PDZD2: variants seen among roughly 807,000 people sequenced by gnomAD.
PDZD2 encodes the protein PDZ domain containing 2, also known as PDZ domain-containing protein 2.
In PDZD2, 90 loss-of-function variants were observed where a neutral mutation model predicts 220.7. That is an observed-to-expected ratio of 0.41 (90% CI 0.34 to 0.49). The LOEUF (loss-of-function observed/expected upper bound fraction) is 0.49. Ranked by LOEUF, PDZD2 falls within the 20% of genes least tolerant of loss-of-function variation. The pLI, the probability that PDZD2 is intolerant of heterozygous loss-of-function variation, is 0.28. For synonymous variants in PDZD2, 1,375 were observed against 1,450.5 expected, an observed-to-expected ratio of 0.95 and a Z score of 1.18; for missense variants, 3,174 against 3,608.5, an observed-to-expected ratio of 0.88 and a Z score of 3.08.
chr5:31,946,957 C>G (rs1201561566), intron 2 of PDZD2, among the ~76,000 whole-genome samples: 1 of 152,180 alleles, frequency 6.6e-6, no homozygotes, highest in African/African-American at 2.4e-5. Context: ...TCTCACTTCT[C>G]CCTCCCAAAG....
intron 2 of PDZD2, among the ~76,000 whole-genome samples, chr5:31,886,888 G>A (rs749563582): frequency 7.2e-5 from 11 of 152,012 alleles, no homozygotes; most frequent in Admixed American, 1.3e-4. Flanking sequence ...TAGTAGAGAC[G>A]GGGTTTCACC....
At chr5:31,911,290 A>AC (rs1385639002) in intron 2 of PDZD2, among the ~76,000 whole-genome samples, 4 of 152,212 alleles carry the variant, frequency 2.6e-5, no homozygotes, top group Non-Finnish European at 5.9e-5. Flanking sequence ...GGAAAGTAGC[A>AC]TTGTTCTAGT....
intron 6 of PDZD2, among the ~76,000 whole-genome samples, chr5:32,028,690 T>G (rs1312186676): frequency 2.1e-4 from 31 of 150,152 alleles, no homozygotes; most frequent in Middle Eastern, 3.4e-3. Flanking sequence ...TTTTGTTTTT[T>G]TTTTTTTTTG....
At chr5:31,734,637 A>G (rs1263642199) in intron 1 of PDZD2, among the ~76,000 whole-genome samples, 1 of 152,002 alleles carries the variant, frequency 6.6e-6, no homozygotes, top group African/African-American at 2.4e-5. Flanking sequence ...GTTTTTATAG[A>G]GGCCTCATTA....
At chr5:31,895,761 C>T (rs907369969) in intron 2 of PDZD2, among the ~76,000 whole-genome samples, 2 of 152,118 alleles carry the variant, frequency 1.3e-5, no homozygotes, top group East Asian at 1.9e-4. Context: ...TACCTTTTCC[C>T]TTCCTCCCTC....
intron 10 of PDZD2, among the ~76,000 whole-genome samples, chr5:32,057,106 A>G (rs1739159611): frequency 6.6e-6 from 1 of 152,206 alleles, no homozygotes; most frequent in Non-Finnish European, 1.5e-5. Context: ...TTTCAAAAAA[A>G]AATTTTTTTT....
chr5:31,850,471 A>C (rs1314372799), intron 2 of PDZD2, among the ~76,000 whole-genome samples: 1 of 151,764 alleles, frequency 6.6e-6, no homozygotes, highest in Non-Finnish European at 1.5e-5. Flanking sequence ...AGAAGGGAAT[A>C]GAAGGCGTTT....
At chr5:31,857,550 C>T (rs1350506970) in intron 2 of PDZD2, among the ~76,000 whole-genome samples, 1 of 152,134 alleles carries the variant, frequency 6.6e-6, no homozygotes, top group Non-Finnish European at 1.5e-5. Context: ...AGTTAGAAAG[C>T]ATTGCTTTTC....
chr5:31,907,702 G>A (rs1395038466), intron 2 of PDZD2, among the ~76,000 whole-genome samples: 1 of 152,132 alleles, frequency 6.6e-6, no homozygotes, highest in African/African-American at 2.4e-5. Flanking sequence ...TGCTATTTTA[G>A]TTGGATTTTA....
intron 2 of PDZD2, among the ~76,000 whole-genome samples, chr5:31,856,908 CTATA>C (rs61675053): frequency 0.11 from 15,923 of 140,420 alleles, 998 homozygotes; most frequent in African/African-American, 0.17. Context: ...CTTATCAAAA[CTATA>C]TATATATATA....
chr5:31,940,511 T>C (rs1397333560), intron 2 of PDZD2, among the ~76,000 whole-genome samples: 2 of 152,190 alleles, frequency 1.3e-5, no homozygotes, highest in Non-Finnish European at 2.9e-5. Flanking sequence ...AACCCAACTA[T>C]ATTTTACATG....
chr5:31,893,821 G>C (rs1186467901), intron 2 of PDZD2, among the ~76,000 whole-genome samples: 1 of 152,112 alleles, frequency 6.6e-6, no homozygotes, highest in East Asian at 1.9e-4. Flanking sequence ...AATTGGCTTA[G>C]ACATTTGTTC....
rs970113585 is a variant in PDZD2, at chr5:32,083,357, A to C, written c.3683-3774A>C. Reference sequence around the variant, plus strand: ...TAGCAGGCTGTCCCTCGCACTGACCACTCTGCTGTCAGCACACCCATAGCC... The same window carrying C: ...TAGCAGGCTGTCCCTCGCACTGACCCCTCTGCTGTCAGCACACCCATAGCC... On this transcript the variant is annotated intron_variant, in intron 19 of 24. Transcript: ENST00000438447. The surrounding 1 kb of genome is among the most constrained non-coding windows in gnomAD (Gnocchi z 4.1). 6.6e-6 allele frequency: 1 copy of C among 151,982 alleles called. No individual in the cohort carries two copies. The highest frequency in any genetic ancestry group is 1.5e-5 in the Non-Finnish European group (1 of 68,000). The allele number at this position is 151,982 out of a possible 1,614,324, so 9.4% of individuals were successfully genotyped here.
In PDZD2 at chr5:31,778,429, G is replaced by A. The variant is rs531838140; in HGVS notation, c.-360-20460G>A. 3.3e-5 allele frequency among the ~76,000 whole-genome samples: 5 copies of A among 152,150 alleles called. 1 individual carries two copies. Among genetic ancestry groups the A allele is most frequent in the South Asian group, 4.2e-4 (2 of 4,816 alleles). On this transcript the variant is annotated intron_variant, in intron 1 of 24. Transcript: ENST00000438447. ...GCCTTTATGAGCTGTAACACTCACC[G>A]CGAAGGTCTGCAGCTTCACTCCTGA...
chr5:31,835,820 C>G (rs143266826), intron 2 of PDZD2, among the ~76,000 whole-genome samples: 545 of 152,230 alleles, frequency 3.6e-3, no homozygotes, highest in Non-Finnish European at 4.6e-3. Flanking sequence ...TAGCACAGCA[C>G]CTAACACCTA....
chr5:31,893,421 T>G (rs1477624278), intron 2 of PDZD2, among the ~76,000 whole-genome samples: 1 of 151,954 alleles, frequency 6.6e-6, no homozygotes, highest in East Asian at 1.9e-4. Flanking sequence ...AAACAAAAAT[T>G]AGCCACACGT....
intron 3 of PDZD2, among the ~76,000 whole-genome samples, chr5:31,987,525 A>C (rs749325781): frequency 6.6e-6 from 1 of 152,192 alleles, no homozygotes; most frequent in Non-Finnish European, 1.5e-5. Flanking sequence ...CCCCTTGGTC[A>C]CTGGGTGAAC....
intron 1 of PDZD2, among the ~76,000 whole-genome samples, chr5:31,742,753 G>A (rs1281632782): frequency 6.6e-6 from 1 of 152,204 alleles, no homozygotes; most frequent in Admixed American, 6.5e-5. Flanking sequence ...TGTCTTCCCA[G>A]AGGACTGTAG....
At chr5:31,692,128 T>C (rs972774806) in intron 1 of PDZD2, among the ~76,000 whole-genome samples, 59 of 151,752 alleles carry the variant, frequency 3.9e-4, no homozygotes, top group Non-Finnish European at 2.2e-4. Flanking sequence ...GGCTCAGGCA[T>C]GGCGGGCTGC....
Sources: allele counts gnomAD v4.1 joint callset (sites outside exome capture counted in the v4.1 genomes callset), GRCh38; gene constraint gnomAD v4.1.1; non-coding constraint Gnocchi (gnomAD v3.1); transcripts MANE v1.5; gene names NCBI Gene and HGNC (gene_info 2026-07-23, HGNC 2026-07-21).